TMEM135: variants seen among roughly 807,000 people sequenced by gnomAD.
The protein encoded by TMEM135 is peroxisomal membrane protein 52.
TMEM135 carries 30 observed loss-of-function variants against 60.3 expected under a neutral mutation model. The ratio of observed to expected loss-of-function variants is 0.50; its 90% CI spans 0.37 to 0.68. TMEM135 has a LOEUF of 0.68. TMEM135 is among the 30% of genes least tolerant of loss of function. The probability of loss-of-function intolerance (pLI) is 0.00; values close to 1 mark genes in which losing one functional copy is unlikely to be tolerated. For synonymous variants in TMEM135, 190 were observed against 186.7 expected, an observed-to-expected ratio of 1.02 and a Z score of -0.14; for missense variants, 468 against 548.8, an observed-to-expected ratio of 0.85 and a Z score of 1.47.
intron 5 of TMEM135, among the ~76,000 whole-genome samples, chr11:87,179,533 G>A (rs1939462701): frequency 6.6e-6 from 1 of 152,018 alleles, no homozygotes; most frequent in Non-Finnish European, 1.5e-5. Flanking sequence ...TAAATATGGT[G>A]TGAGATACTC....
intron 5 of TMEM135, among the ~76,000 whole-genome samples, chr11:87,225,933 C>T (rs954728422): frequency 6.6e-6 from 1 of 152,020 alleles, no homozygotes; most frequent in Admixed American, 6.6e-5. Flanking sequence ...TTTTATTCCT[C>T]CTCTTTTCTT....
chr11:87,220,684 T>C (rs1290074506), intron 5 of TMEM135, among the ~76,000 whole-genome samples: 1 of 152,204 alleles, frequency 6.6e-6, no homozygotes, highest in East Asian at 1.9e-4. Context: ...GTGTAGAATT[T>C]TATTTCGAGA....
chr11:87,134,288 T>C (rs973693594), intron 4 of TMEM135, among the ~76,000 whole-genome samples: 4 of 152,164 alleles, frequency 2.6e-5, no homozygotes, highest in Non-Finnish European at 4.4e-5. Flanking sequence ...GCCAGTCATA[T>C]TGGATTTGAA....
intron 6 of TMEM135, among the ~76,000 whole-genome samples, chr11:87,250,699 G>A (rs969762807): frequency 3.9e-5 from 6 of 151,916 alleles, no homozygotes; most frequent in Non-Finnish European, 8.8e-5. Context: ...ATGGTCTTAG[G>A]TTCTTTTTAA....
chr11:87,212,012 C>T (rs544433012), intron 5 of TMEM135, among the ~76,000 whole-genome samples: 45 of 152,044 alleles, frequency 3.0e-4, no homozygotes, highest in Middle Eastern at 6.8e-3. Context: ...GCATTTTTAT[C>T]AACTTTTTTC....
At position 87,324,091 on chromosome 11, in the gene TMEM135, T is replaced by C. The variant is rs1942875321; in HGVS notation, c.*2758T>C. On this transcript the variant is annotated 3_prime_UTR_variant, in exon 15 of 15. Transcript: ENST00000305494. ...CAAACTGAGCAAATGTCACACAGTA[T>C]TTTCTTGTTGTGCTCGAGTGTTCGT... 4.4e-6 allele frequency: 2 copies of C among 454,100 alleles called. No homozygotes were observed. Among genetic ancestry groups the C allele is most frequent in the Non-Finnish European group, 8.8e-6 (2 of 226,782 alleles). 28.1% of individuals were successfully genotyped at this position (454,100 alleles called of 1,614,324 possible).
chr11:87,190,745 C>G (rs1351851840), intron 5 of TMEM135, among the ~76,000 whole-genome samples: 1 of 152,142 alleles, frequency 6.6e-6, no homozygotes, highest in African/African-American at 2.4e-5. Context: ...TCCTGACTTT[C>G]TATTGTGGTC....
intron 4 of TMEM135, among the ~76,000 whole-genome samples, chr11:87,119,454 G>A (rs542444387): frequency 6.6e-6 from 1 of 152,352 alleles, no homozygotes; most frequent in Admixed American, 6.5e-5. Context: ...TGTAATCGCA[G>A]CACTTTGGGA....
At chr11:87,254,893 C>T (rs1353747016) in intron 6 of TMEM135, among the ~76,000 whole-genome samples, 1 of 151,992 alleles carries the variant, frequency 6.6e-6, no homozygotes, top group African/African-American at 2.4e-5. Flanking sequence ...GTAATTCCAG[C>T]ATTTTAAGAG....
chr11:87,189,503 G>A (rs987794748), intron 5 of TMEM135, among the ~76,000 whole-genome samples: 21 of 152,032 alleles, frequency 1.4e-4, no homozygotes, highest in African/African-American at 4.1e-4. Context: ...AAATTTGTAC[G>A]GTGATGAGGA....
chr11:87,246,456 TG>T (rs1325110728), intron 6 of TMEM135, among the ~76,000 whole-genome samples: 3 of 152,194 alleles, frequency 2.0e-5, no homozygotes, highest in African/African-American at 7.2e-5. Flanking sequence ...TTTTCCAACT[TG>T]GTTGCATTCT....
At chr11:87,300,640 A>G (rs1942428279) in intron 7 of TMEM135, among the ~76,000 whole-genome samples, 1 of 152,232 alleles carries the variant, frequency 6.6e-6, no homozygotes, top group Non-Finnish European at 1.5e-5. Flanking sequence ...AATTCTAGCT[A>G]TTACTATGTT....
At chr11:87,289,503 C>T (rs1218057097) in intron 6 of TMEM135, among the ~76,000 whole-genome samples, 1 of 124,624 alleles carries the variant, frequency 8.0e-6, no homozygotes, top group African/African-American at 3.2e-5. Context: ...GGCTGGAGTG[C>T]AGTGGTGCAG....
At position 87,276,292 on chromosome 11, in the gene TMEM135, A is replaced by T. The variant is rs189137571; in HGVS notation, c.510-19490A>T. Among the ~76,000 whole-genome samples, 839 of 152,240 alleles carry T rather than the reference A, an allele frequency of 5.5e-3. 5 individuals are homozygous for T. The highest frequency in any genetic ancestry group is 9.9e-3 in the Admixed American group (152 of 15,298). On this transcript the variant is annotated intron_variant, in intron 6 of 14. Transcript: ENST00000305494. The stretch of plus-strand genomic sequence containing the variant: ...ATTCTTTAGTTTTCATAACAGTCTT[A>T]TATAGTAAGTAATAGTATCTGATTT...
intron 6 of TMEM135, among the ~76,000 whole-genome samples, chr11:87,269,192 C>G (rs992783690): frequency 2.0e-5 from 3 of 150,662 alleles, no homozygotes; most frequent in Non-Finnish European, 4.4e-5. Flanking sequence ...AGAGTTTCCC[C>G]CCTACTACAC....
intron 4 of TMEM135, among the ~76,000 whole-genome samples, chr11:87,117,726 T>C (rs1479767930): frequency 6.6e-6 from 1 of 152,188 alleles, no homozygotes; most frequent in Non-Finnish European, 1.5e-5. Flanking sequence ...ACGTCATCTA[T>C]GAGGGTGAGA....
chr11:87,215,789 C>G (rs184653492), intron 5 of TMEM135, among the ~76,000 whole-genome samples: 1 of 152,266 alleles, frequency 6.6e-6, no homozygotes, highest in Admixed American at 6.5e-5. Flanking sequence ...GTGTATCATT[C>G]TTATTGATGC....
At chr11:87,271,738 A>G (rs182597876) in intron 6 of TMEM135, among the ~76,000 whole-genome samples, 1 of 152,250 alleles carries the variant, frequency 6.6e-6, no homozygotes, top group East Asian at 1.9e-4. Flanking sequence ...GTTCAAGATT[A>G]GCCTGGTCAA....
At chr11:87,113,208 A>G (rs7117731) in intron 4 of TMEM135, among the ~76,000 whole-genome samples, 12,384 of 152,122 alleles carry the variant, frequency 0.081, 571 homozygotes, top group East Asian at 0.17. Flanking sequence ...TGTAATTTCC[A>G]TTTTTACTAA....
Sources: allele counts gnomAD v4.1 joint callset (sites outside exome capture counted in the v4.1 genomes callset), GRCh38; gene constraint gnomAD v4.1.1; transcripts MANE v1.5; gene names NCBI Gene and HGNC (gene_info 2026-07-23, HGNC 2026-07-21).